Variants in C21orf91 observed in about 807,000 individuals in gnomAD.
C21orf91 encodes protein EURL homolog.
A neutral mutation model predicts 32.9 loss-of-function variants in C21orf91; 26 were observed. The observed-to-expected ratio is 0.79, with a 90% CI of 0.58 to 1.10. The LOEUF is 1.10. Among genes scored for constraint, C21orf91 ranks in the 50% least tolerant of loss-of-function variants. The pLI is 0.00. For synonymous variants in C21orf91, 126 were observed against 120.4 expected (o/e 1.05, Z -0.31); for missense variants, 310 against 341.3 (o/e 0.91, Z 0.72).
chr21:17,794,064 T>C (rs2062499243), intron 4 of C21orf91, among the ~76,000 whole-genome samples: 2 of 152,208 alleles, frequency 1.3e-5, no homozygotes, highest in African/African-American at 4.8e-5. Context: ...GTAACATTAA[T>C]AATGATAGTA....
intron 3 of C21orf91, 111 bp downstream of exon 3, chr21:17,796,471 G>T: frequency 1.2e-6 from 1 of 822,452 alleles, no homozygotes; most frequent in Non-Finnish European, 1.9e-6. Context: ...TAAATACAAT[G>T]TTTCCCAAAT....
In C21orf91 at chr21:17,812,514, A is replaced by G. The variant is rs111916653; in HGVS notation, c.127+5678T>C. Among the ~76,000 whole-genome samples, 374 of 152,298 alleles carry G rather than the reference A, an allele frequency of 2.5e-3. 9 individuals carry two copies. In the East Asian group the frequency reaches 0.068, roughly 28 times the overall value. On this transcript the variant is annotated intron_variant, in intron 2 of 4. Transcript: ENST00000284881. ...TTAGTTATCTTCAGATAACTTTTGTAAGAAACCACTGTTGGCCGGGCGCGG... is the reference window on the plus strand; with the variant it reads ...TTAGTTATCTTCAGATAACTTTTGTGAGAAACCACTGTTGGCCGGGCGCGG...
At chr21:17,806,231 G>A (rs980890038) in intron 2 of C21orf91, among the ~76,000 whole-genome samples, 3 of 152,206 alleles carry the variant, frequency 2.0e-5, no homozygotes, top group East Asian at 1.9e-4. Context: ...ACCATAACAC[G>A]AACCTGCTTA....
At chr21:17,803,551 A>C (rs2062576360) in intron 2 of C21orf91, among the ~76,000 whole-genome samples, 1 of 152,178 alleles carries the variant, frequency 6.6e-6, no homozygotes, top group South Asian at 2.1e-4. Flanking sequence ...ATGGAGGCTC[A>C]CATTTGGCAC....
At chr21:17,813,352 C>T (rs1480117177) in intron 2 of C21orf91, among the ~76,000 whole-genome samples, 2 of 152,068 alleles carry the variant, frequency 1.3e-5, no homozygotes, top group East Asian at 3.8e-4. Flanking sequence ...GACTACTGAC[C>T]ACAAACAGTA....
At chr21:17,802,903 T>C (rs1338186098) in intron 2 of C21orf91, among the ~76,000 whole-genome samples, 1 of 152,202 alleles carries the variant, frequency 6.6e-6, no homozygotes, top group Non-Finnish European at 1.5e-5. Flanking sequence ...AGGACTGGCT[T>C]TACATAACTT....
chr21:17,814,741 T>A (rs1600890780), intron 2 of C21orf91, among the ~76,000 whole-genome samples: 1 of 152,294 alleles, frequency 6.6e-6, no homozygotes. Context: ...GGGATGGTGC[T>A]AACCCATTCA....
At chr21:17,818,035 C>G (rs1213557834) in intron 2 of C21orf91, 157 bp downstream of exon 2, 4 of 472,434 alleles carry the variant, frequency 8.5e-6, no homozygotes, top group African/African-American at 8.0e-5. Context: ...TTAACTGCAC[C>G]TTCATTTCCA....
chr21:17,797,565 C>G lies in C21orf91; in HGVS notation c.128-447G>C, dbSNP rs201609820. On this transcript the variant is annotated intron_variant, in intron 2 of 4. Coordinates refer to ENST00000284881, the MANE Select transcript of C21orf91 (RefSeq NM_001100420.2). ...TCCCTAAAACACAGTAAATCATGTT[C>G]TTAAATTATGTTTATTGAAAAAAAA... 4.7e-5 allele frequency among the ~76,000 whole-genome samples: 7 copies of G among 149,066 alleles called. No individual in the cohort carries two copies. The East Asian group carries it at 9.8e-4, about 21-fold the overall frequency.
chr21:17,818,448 T>A (rs940341022), intron 1 of C21orf91, 123 bp from the exon 2 acceptor site: 3 of 744,636 alleles, frequency 4.0e-6, no homozygotes, highest in Non-Finnish European at 6.6e-6. Flanking sequence ...AAAAGCTCCA[T>A]CAAACAAGCA....
In C21orf91 at chr21:17,812,813, A is replaced by G. The variant is rs190761425; in HGVS notation, c.127+5379T>C. 1.9e-3 allele frequency among the ~76,000 whole-genome samples: 256 copies of G among 136,170 alleles called. 1 individual carries two copies. The highest frequency in any genetic ancestry group is 5.7e-3 in the African/African-American group (233 of 40,798). The allele number at this position is 136,170 out of a possible 152,430, so 89.3% of individuals were successfully genotyped here. A position where few individuals can be genotyped will look rare whatever the true frequency, so the allele number is the denominator to read the frequency against. On this transcript the variant is annotated intron_variant, in intron 2 of 4. Coordinates refer to ENST00000284881, the MANE Select transcript of C21orf91 (RefSeq NM_001100420.2). ...GACAGAGCGAGACTCCATCTTGGAA[A>G]AAAACAAAAAAAAACAAACAAAAAA...
At position 17,818,337 on chromosome 21, in the gene C21orf91, C is replaced by A. The variant is rs1360343010; in HGVS notation, c.-7-12G>T. 1.3e-6 allele frequency: 2 copies of A among 1,592,014 alleles called. No homozygotes were observed. Among genetic ancestry groups the A allele is most frequent in the East Asian group, 4.5e-5 (2 of 44,080 alleles). Reference sequence around the variant, plus strand: ...CGTTCATAGTGCCCCTATTAAGAAACAGAAAAGGAAAGTTACACAATTTCA... The same window carrying A: ...CGTTCATAGTGCCCCTATTAAGAAAAAGAAAAGGAAAGTTACACAATTTCA... On this transcript the variant is annotated splice_polypyrimidine_tract_variant and intron_variant, in intron 1 of 4. Transcript: ENST00000284881.
Position 17,793,336 on chromosome 21 carries a change from ACTTT to A in C21orf91, c.*75_*78del. ...AATGACCATAAAAAAACGGACCACA[ACTTT>A]CTTCAAACTTCTTCAAAGTTTGCAT... On this transcript the variant is annotated 3_prime_UTR_variant, in exon 5 of 5. Coordinates refer to ENST00000284881, the MANE Select transcript of C21orf91 (RefSeq NM_001100420.2). 1 of 1,162,320 alleles carries A rather than the reference ACTTT, an allele frequency of 8.6e-7. No homozygotes were observed. The highest frequency in any genetic ancestry group is 1.2e-6 in the Non-Finnish European group (1 of 849,434). 72.0% of individuals were successfully genotyped at this position (1,162,320 alleles called of 1,614,324 possible).
At chr21:17,801,237 C>A (rs1325854406) in intron 2 of C21orf91, among the ~76,000 whole-genome samples, 1 of 151,446 alleles carries the variant, frequency 6.6e-6, no homozygotes, top group Non-Finnish European at 1.5e-5. Flanking sequence ...AGGATGAGTT[C>A]ATGTCTAACA....
intron 2 of C21orf91, among the ~76,000 whole-genome samples, chr21:17,802,362 T>C (rs1401662411): frequency 2.0e-5 from 3 of 152,160 alleles, no homozygotes; most frequent in Non-Finnish European, 4.4e-5. Context: ...AGTTTCACCA[T>C]GTCAGCCAGG....
rs1312110254 is a variant in C21orf91, at chr21:17,789,570, C to G, written c.*3845G>C. ...AATGTATTAGTAATGTGGACTCAAA[C>G]TAAAAAGAACAGGGAAAGTGTATGT... is the stretch of plus-strand genomic sequence containing the variant. On this transcript the variant is annotated 3_prime_UTR_variant, in exon 5 of 5. Coordinates refer to ENST00000284881, the MANE Select transcript of C21orf91 (RefSeq NM_001100420.2). The G allele has an allele frequency of 2.0e-5, 3 of 151,970 alleles. No individual in the cohort carries two copies. The allele number at this position is 151,970 out of a possible 1,614,324, so 9.4% of individuals were successfully genotyped here. A position where few individuals can be genotyped will look rare whatever the true frequency, so the allele number is the denominator to read the frequency against.
intron 2 of C21orf91, among the ~76,000 whole-genome samples, chr21:17,804,849 A>C (rs2062584732): frequency 6.6e-6 from 1 of 152,244 alleles, no homozygotes; most frequent in South Asian, 2.1e-4. Flanking sequence ...GAGATCTTTT[A>C]CTGATAGATG....
chr21:17,795,348 T>A, intron 3 of C21orf91, 78 bp from the exon 4 acceptor site: 1 of 963,202 alleles, frequency 1.0e-6, no homozygotes. Context: ...CACAATATCC[T>A]ATTTTTAAAA....
intron 2 of C21orf91, among the ~76,000 whole-genome samples, chr21:17,807,737 A>C (rs2062607572): frequency 6.6e-6 from 1 of 152,196 alleles, no homozygotes; most frequent in Non-Finnish European, 1.5e-5. Flanking sequence ...TTTACCAAAG[A>C]GACTGGTGGC....
Sources: allele counts gnomAD v4.1 joint callset (sites outside exome capture counted in the v4.1 genomes callset), GRCh38; gene constraint gnomAD v4.1.1; transcripts MANE v1.5; gene names NCBI Gene and HGNC (gene_info 2026-07-23, HGNC 2026-07-21).